SETD5: variants seen among roughly 807,000 people sequenced by gnomAD.
SETD5 encodes histone-lysine N-methyltransferase SETD5.
A neutral mutation model predicts 153.3 loss-of-function variants in SETD5; 44 were observed. The observed-to-expected ratio is 0.29, with a 90% CI of 0.23 to 0.37. The LOEUF is 0.37. Ranked by LOEUF, SETD5 falls within the 10% of genes least tolerant of loss-of-function variation. The pLI, the probability that SETD5 is intolerant of heterozygous loss-of-function variation, is 1.00. For missense variants in SETD5, 1,544 were observed against 1,768.0 expected, an observed-to-expected ratio of 0.87 and a Z score of 2.27; for synonymous variants, 716 against 645.2, an observed-to-expected ratio of 1.11 and a Z score of -1.66.
chr3:9,430,119 C>T (rs557307957), intron 3 of SETD5: 2 of 1,023,886 alleles, frequency 2.0e-6, no homozygotes, highest in Non-Finnish European at 2.4e-6. Flanking sequence ...CTTCCCCCTT[C>T]AGCAAAGCAA....
Position 9,428,925 on chromosome 3 carries a change from C to T in SETD5, c.-14C>T, listed in dbSNP as rs762960729. Reference sequence around the variant, plus strand: ...TGGACCCCGTGATTTCCAATCTCTGCTGTGTTGGACGTCATGAGCATTGCA... The same window carrying T: ...TGGACCCCGTGATTTCCAATCTCTGTTGTGTTGGACGTCATGAGCATTGCA... On this transcript the variant is annotated 5_prime_UTR_variant, in exon 3 of 23. Transcript: ENST00000402198. 2 of 1,608,404 alleles carry T rather than the reference C, an allele frequency of 1.2e-6. No homozygotes were observed. The highest frequency in any genetic ancestry group is 1.7e-6 in the Non-Finnish European group (2 of 1,176,126).
At chr3:9,468,510 C>G (rs1405699645) in intron 18 of SETD5, 1 of 1,303,902 alleles carries the variant, frequency 7.7e-7, no homozygotes, top group Admixed American at 2.3e-5. Context: ...ATGCTTTTCC[C>G]TCCTCTAGAA....
intron 1 of SETD5, among the ~76,000 whole-genome samples, chr3:9,410,597 T>C (rs1410647234): frequency 1.3e-5 from 2 of 152,196 alleles, no homozygotes; most frequent in Non-Finnish European, 2.9e-5. Context: ...TCTATCCTAG[T>C]GTCTTCCAGC....
intron 1 of SETD5, among the ~76,000 whole-genome samples, chr3:9,421,353 GT>G (rs1234946468): frequency 6.6e-6 from 1 of 151,696 alleles, no homozygotes; most frequent in African/African-American, 2.4e-5. Flanking sequence ...GCCCAGGCTG[GT>G]CTTAAACTCC....
intron 17 of SETD5, among the ~76,000 whole-genome samples, chr3:9,462,601 A>AG (rs1559470843): frequency 6.7e-6 from 1 of 149,976 alleles, no homozygotes; most frequent in Non-Finnish European, 1.5e-5. Flanking sequence ...AAAAAAAAAA[A>AG]GAAAAAAAGA....
rs770118336 is a variant in SETD5, at chr3:9,474,601, G to T, written c.3631+19G>T. On this transcript the variant is annotated intron_variant, in intron 21 of 22. Coordinates refer to ENST00000402198, the MANE Select transcript of SETD5 (RefSeq NM_001080517.3). ...GACTCAGGTGAGCCCATGGCCTTCT[G>T]CTGCCACCACATTCAGGGACACATG... is the stretch of plus-strand genomic sequence containing the variant. 3 of 1,612,476 alleles carry T rather than the reference G, an allele frequency of 1.9e-6. No homozygotes were observed. The East Asian group carries it at 6.7e-5, about 36-fold the overall frequency.
In SETD5 at chr3:9,453,873, G is replaced by A. The variant is rs768471777; in HGVS notation, c.2476+5G>A. The A allele has an allele frequency of 3.2e-6, 5 of 1,559,846 alleles. No homozygotes were observed. The highest frequency in any genetic ancestry group is 2.3e-5 in the East Asian group (1 of 43,672). ...GTATCTGCAAAGACAATGCAGGTAC[G>A]TATCTAAAACCTTTCTGATTATATG... On this transcript the variant is annotated splice_donor_5th_base_variant and intron_variant, in intron 17 of 22. Coordinates refer to ENST00000402198, the MANE Select transcript of SETD5 (RefSeq NM_001080517.3).
chr3:9,442,273 G>C (rs2041386189), intron 10 of SETD5, 28 bp downstream of exon 10: 1 of 1,460,204 alleles, frequency 6.8e-7, no homozygotes, highest in South Asian at 1.2e-5. Flanking sequence ...ACTTCCCTTT[G>C]ACTGGAACCA....
intron 1 of SETD5, among the ~76,000 whole-genome samples, chr3:9,422,602 A>C (rs1303111877): frequency 6.6e-6 from 1 of 152,254 alleles, no homozygotes; most frequent in Non-Finnish European, 1.5e-5. Flanking sequence ...TCAGTATTTT[A>C]TCTGAAATTT....
At chr3:9,440,951 T>A (rs1427171866) in intron 8 of SETD5, among the ~76,000 whole-genome samples, 1 of 152,080 alleles carries the variant, frequency 6.6e-6, no homozygotes, top group Non-Finnish European at 1.5e-5. Context: ...GGCTCACTCC[T>A]ATAATACAAC....
In SETD5 at chr3:9,434,410, A is replaced by G; in HGVS notation, c.254A>G (p.Glu85Gly). 2.5e-6 allele frequency: 4 copies of G among 1,613,954 alleles called. No individual in the cohort carries two copies. The highest frequency in any genetic ancestry group is 3.4e-6 in the Non-Finnish European group (4 of 1,179,884). ...EERCGDSPNS[E>G]GETVPTWCPC... is the part of the protein sequence containing the mutation. ...CGCTGTGGAGACAGCCCGAACTCTG[A>G]AGGAGAAACTGTACCTACCTGGTGT... The change falls in exon 5 of 23, where the codon GAA becomes GGA. Residue 85 changes from glutamate (E) to glycine (G), a missense_variant. Coordinates refer to ENST00000402198, the MANE Select transcript of SETD5 (RefSeq NM_001080517.3). The surrounding 1 kb of genome is among the most constrained non-coding windows in gnomAD (Gnocchi z 5.6).
chr3:9,468,361 G>A (rs1421923473), intron 18 of SETD5, among the ~76,000 whole-genome samples: 1 of 152,046 alleles, frequency 6.6e-6, no homozygotes, highest in African/African-American at 2.4e-5. Flanking sequence ...ATTGAGATGA[G>A]TTCTGCAGTT....
intron 19 of SETD5, 135 bp from the exon 20 acceptor site, chr3:9,473,101 G>T: frequency 2.9e-6 from 3 of 1,037,870 alleles, no homozygotes; most frequent in Non-Finnish European, 4.1e-6. Flanking sequence ...ATCAGGGTTG[G>T]TGTCTGCTTT....
intron 17 of SETD5, among the ~76,000 whole-genome samples, chr3:9,456,546 A>G (rs1205150448): frequency 6.6e-6 from 1 of 152,014 alleles, no homozygotes; most frequent in Non-Finnish European, 1.5e-5. Flanking sequence ...TACCTGCTTT[A>G]TAGAGCTAAC....
chr3:9,457,097 A>G (rs2043349697), intron 17 of SETD5, among the ~76,000 whole-genome samples: 1 of 152,270 alleles, frequency 6.6e-6, no homozygotes, highest in East Asian at 1.9e-4. Flanking sequence ...AAAAGTTATT[A>G]TCAAAGTAGG....
At chr3:9,457,505 CTAATAA>C (rs532554399) in intron 17 of SETD5, among the ~76,000 whole-genome samples, 3 of 150,240 alleles carry the variant, frequency 2.0e-5, no homozygotes, top group African/African-American at 4.9e-5. Context: ...TATATATATA[CTAATAA>C]TAATAATAAG....
At chr3:9,399,321 G>A (rs1206806225) in intron 1 of SETD5, among the ~76,000 whole-genome samples, 3 of 152,142 alleles carry the variant, frequency 2.0e-5, no homozygotes, top group Non-Finnish European at 4.4e-5. Flanking sequence ...ATGTTTTTAG[G>A]TCACAGAAAG....
chr3:9,423,880 G>A (rs1249805558), intron 1 of SETD5, among the ~76,000 whole-genome samples: 1 of 152,164 alleles, frequency 6.6e-6, no homozygotes, highest in African/African-American at 2.4e-5. Context: ...TTGGAAGGTA[G>A]AAAATTAATT....
intron 3 of SETD5, chr3:9,433,268 T>C (rs1004437227): frequency 2.7e-6 from 2 of 738,050 alleles, no homozygotes; most frequent in Non-Finnish European, 3.9e-6. Flanking sequence ...CATTGGTGGA[T>C]GAGAAATTAT....
Sources: allele counts gnomAD v4.1 joint callset (sites outside exome capture counted in the v4.1 genomes callset), GRCh38; gene constraint gnomAD v4.1.1; non-coding constraint Gnocchi (gnomAD v3.1); transcripts MANE v1.5; gene names NCBI Gene and HGNC (gene_info 2026-07-23, HGNC 2026-07-21).